NME6: variants seen among roughly 807,000 people sequenced by gnomAD.
NME6 encodes nucleoside diphosphate kinase 6, mitochondrial.
In NME6, 16 loss-of-function variants were observed where a neutral mutation model predicts 22.2. That is an observed-to-expected ratio of 0.72 (90% CI 0.49 to 1.09). NME6 has a LOEUF of 1.09. Among genes scored for constraint, NME6 ranks in the 50% least tolerant of loss-of-function variants. The pLI, the probability that NME6 is intolerant of heterozygous loss-of-function variation, is 0.00. For synonymous variants in NME6, 58 were observed against 85.2 expected (o/e 0.68, Z 1.76); for missense variants, 229 against 239.0 (o/e 0.96, Z 0.28).
intron 1 of NME6, among the ~76,000 whole-genome samples, chr3:48,298,737 T>C (rs1000822576): frequency 6.6e-6 from 1 of 152,200 alleles, no homozygotes; most frequent in Admixed American, 6.5e-5. Flanking sequence ...AGCATTCAAG[T>C]TCCCCCGTGG....
Position 48,292,879 on chromosome 3 carries a change from T to C in NME6, c.*1758A>G, listed in dbSNP as rs1342534583. The C allele has an allele frequency of 1.3e-5, 2 of 152,226 alleles. No individual in the cohort carries two copies. Among genetic ancestry groups the C allele is most frequent in the Admixed American group, 6.5e-5 (1 of 15,270 alleles). The allele number at this position is 152,226 out of a possible 1,614,324, so 9.4% of individuals were successfully genotyped here. A position where few individuals can be genotyped will look rare whatever the true frequency, so the allele number is the denominator to read the frequency against. On this transcript the variant is annotated 3_prime_UTR_variant, in exon 6 of 6. Transcript: ENST00000442597. ...AGGATTTTTGTACAGCAAATGGCCT[T>C]AGAAGACAGAGATAGTATCTCCCTA... is the stretch of plus-strand genomic sequence containing the variant.
chr3:48,296,074 G>A (rs377634185), intron 4 of NME6, 45 bp downstream of exon 4: 117 of 1,246,110 alleles, frequency 9.4e-5, no homozygotes, highest in Non-Finnish European at 1.3e-4. Context: ...GGGCAGGGGA[G>A]ATTAGCCTCA....
intron 1 of NME6, chr3:48,298,953 A>C (rs1190249906): frequency 1.1e-5 from 8 of 702,942 alleles, no homozygotes; most frequent in African/African-American, 1.7e-5. Context: ...TCCATCCCAT[A>C]GTGCTCTCCT....
downstream of NME6, chr3:48,288,775 A>G (rs1256567536): frequency 1.3e-5 from 2 of 152,218 alleles, no homozygotes; most frequent in African/African-American, 2.4e-5. Context: ...ATGACAGAGT[A>G]AATTACTAGG....
At chr3:48,295,964 G>A (rs1460686246) in intron 4 of NME6, 155 bp downstream of exon 4, 19 of 663,224 alleles carry the variant, frequency 2.9e-5, no homozygotes, top group Non-Finnish European at 3.6e-5. Context: ...TGATCCACCC[G>A]CCTCAGCCTC....
chr3:48,292,049 G>C (rs1032213923), downstream of NME6: 13 of 152,290 alleles, frequency 8.5e-5, no homozygotes, highest in African/African-American at 2.9e-4. Flanking sequence ...ACAGGCGTGA[G>C]CCACCATACC....
intron 1 of NME6, 199 bp downstream of exon 1, chr3:48,301,154 C>G: frequency 9.6e-7 from 1 of 1,044,224 alleles, no homozygotes; most frequent in South Asian, 1.8e-5. Flanking sequence ...CACCCACGCG[C>G]GGCCGGGACC....
Position 48,294,673 on chromosome 3 carries a change from G to A in NME6, c.525C>T (p.His175=). 1 of 1,614,174 alleles carries A rather than the reference G, an allele frequency of 6.2e-7. No individual in the cohort carries two copies. The highest frequency in any genetic ancestry group is 1.1e-5 in the South Asian group (1 of 91,090). Reference sequence around the variant, plus strand: ...CTAGGCCTCCTGTTCCAGCTACATAGTGGACACCTCCCTCTGGGCTATAGC... The same window carrying A: ...CTAGGCCTCCTGTTCCAGCTACATAATGGACACCTCCCTCTGGGCTATAGC... ...PVCYSPEGGV[H]YVAGTGGLGP... The change falls in exon 6 of 6, where the codon CAC becomes CAT. Residue 175 remains histidine, a synonymous_variant. Transcript: ENST00000442597.
At chr3:48,291,050 A>C, downstream of NME6, 1 of 291,074 alleles carries the variant, frequency 3.4e-6, no homozygotes, top group East Asian at 9.9e-5. Context: ...ACTTCGCCCC[A>C]ATTTCTCAGT....
intron 1 of NME6, among the ~76,000 whole-genome samples, chr3:48,300,999 G>T (rs954451122): frequency 2.6e-5 from 4 of 152,086 alleles, no homozygotes; most frequent in Non-Finnish European, 4.4e-5. Flanking sequence ...AGTGAGCCGA[G>T]ATCGCGCCAC....
chr3:48,290,911 C>T (rs777302899), downstream of NME6: 20 of 246,810 alleles, frequency 8.1e-5, no homozygotes, highest in Non-Finnish European at 1.6e-4. Context: ...GTCCCAGGTT[C>T]GTGGCTACAA....
intron 1 of NME6, chr3:48,300,571 A>C: frequency 3.2e-6 from 1 of 313,576 alleles, no homozygotes; most frequent in Non-Finnish European, 6.3e-6. Flanking sequence ...GAACCAACGA[A>C]TGCACCTCAT....
downstream of NME6, chr3:48,292,234 A>ACAT (rs1421916822): frequency 2.6e-5 from 4 of 152,250 alleles, no homozygotes; most frequent in African/African-American, 9.6e-5. Context: ...CATTGCTCTC[A>ACAT]CATCAGTGCA....
At chr3:48,298,774 C>T (rs964039244) in intron 1 of NME6, among the ~76,000 whole-genome samples, 6 of 152,158 alleles carry the variant, frequency 3.9e-5, no homozygotes, top group Admixed American at 2.6e-4. Context: ...CAACTGTAAG[C>T]CTATGAGGGA....
chr3:48,290,977 G>T, downstream of NME6: 1 of 291,642 alleles, frequency 3.4e-6, no homozygotes, highest in Non-Finnish European at 6.8e-6. Context: ...ATTCCTTCCT[G>T]TGCGTGGTAA....
chr3:48,290,261 A>AT (rs910886915), downstream of NME6, among the ~76,000 whole-genome samples: 4 of 150,930 alleles, frequency 2.7e-5, no homozygotes, highest in Admixed American at 6.6e-5. Context: ...TTAAAAAAAA[A>AT]TTTTTTTTTA....
chr3:48,289,334 G>A (rs2034308541), downstream of NME6, among the ~76,000 whole-genome samples: 1 of 152,090 alleles, frequency 6.6e-6, no homozygotes, highest in South Asian at 2.1e-4. Flanking sequence ...CTCCCAAAGT[G>A]CCAGGATTAC....
intron 1 of NME6, 52 bp downstream of exon 1, chr3:48,301,301 A>T (rs372969279): frequency 8.1e-6 from 13 of 1,596,690 alleles, no homozygotes; most frequent in Non-Finnish European, 1.1e-5. Flanking sequence ...CCCACCCCAG[A>T]TTCTGGGTCA....
intron 1 of NME6, chr3:48,300,397 C>T (rs1229837903): frequency 4.4e-6 from 2 of 453,156 alleles, no homozygotes. Context: ...TTTCGCAGTC[C>T]TGAATGTGCT....
Sources: gnomAD v4.1 joint callset for allele counts (sites outside exome capture counted in the v4.1 genomes callset) on GRCh38, gnomAD v4.1.1 for gene constraint, MANE v1.5 for transcripts, NCBI Gene and HGNC (gene_info 2026-07-23, HGNC 2026-07-21) for gene names.